Variants in BRF1 observed in about 807,000 individuals in gnomAD.
The protein encoded by BRF1 is transcription factor IIIB 90 kDa subunit.
A neutral mutation model predicts 81.7 loss-of-function variants in BRF1; 59 were observed. The observed-to-expected ratio is 0.72, with a 90% CI of 0.59 to 0.90. The LOEUF is 0.90. Ranked by LOEUF, BRF1 falls within the 40% of genes least tolerant of loss-of-function variation. BRF1 has a pLI of 0.00. For missense variants in BRF1, 1,050 were observed against 936.3 expected, an observed-to-expected ratio of 1.12 and a Z score of -1.58; for synonymous variants, 491 against 395.6, an observed-to-expected ratio of 1.24 and a Z score of -2.86.
At chr14:105,222,021 C>G in intron 10 of BRF1, 107 bp from the exon 11 acceptor site, 2 of 1,390,678 alleles carry the variant, frequency 1.4e-6, no homozygotes, top group East Asian at 5.2e-5. Context: ...GAACGGCTGT[C>G]AGTGCACGGT....
At chr14:105,242,707 C>G (rs1378772336) in intron 5 of BRF1, 2 of 138,510 alleles carry the variant, frequency 1.4e-5, no homozygotes, top group East Asian at 4.1e-4. Flanking sequence ...TGCACTCCAG[C>G]CTGGGCAACA....
intron 1 of BRF1, among the ~76,000 whole-genome samples, chr14:105,306,402 C>T (rs187384797): frequency 3.2e-4 from 49 of 152,320 alleles, no homozygotes; most frequent in Admixed American, 4.6e-4. Flanking sequence ...CTCCCAGGTT[C>T]AAGCGATTCT....
upstream of BRF1, among the ~76,000 whole-genome samples, chr14:105,304,731 G>A (rs2058132138): frequency 6.6e-6 from 1 of 152,238 alleles, no homozygotes; most frequent in South Asian, 2.1e-4. Flanking sequence ...GGCTGCAGAG[G>A]CCTCACAATC....
At chr14:105,229,711 C>T (rs55903750) in intron 6 of BRF1, among the ~76,000 whole-genome samples, 14 of 115,934 alleles carry the variant, frequency 1.2e-4, no homozygotes, top group African/African-American at 3.7e-4. Flanking sequence ...AGAGAGAGGC[C>T]ACACCACTGT....
chr14:105,300,436 C>T lies in BRF1; in HGVS notation c.184+10G>A. ...GAGAAATCCGCGCAGCGCCAGCCCGCGGGACTCACCGTCCAGGGACACGAA... is the reference window on the plus strand; with the variant it reads ...GAGAAATCCGCGCAGCGCCAGCCCGTGGGACTCACCGTCCAGGGACACGAA... On this transcript the variant is annotated intron_variant, in intron 1 of 17. Coordinates refer to ENST00000547530, the MANE Select transcript of BRF1 (RefSeq NM_001519.4). The T allele has an allele frequency of 6.6e-7, 1 of 1,517,384 alleles. No homozygotes were observed. Among genetic ancestry groups the T allele is most frequent in the Admixed American group, 2.1e-5 (1 of 48,260 alleles). 94.0% of individuals were successfully genotyped at this position (1,517,384 alleles called of 1,614,324 possible). A position where few individuals can be genotyped will look rare whatever the true frequency, so the allele number is the denominator to read the frequency against.
chr14:105,229,357 G>A (rs1354290871), intron 6 of BRF1, among the ~76,000 whole-genome samples: 2 of 152,204 alleles, frequency 1.3e-5, no homozygotes, highest in Non-Finnish European at 2.9e-5. Flanking sequence ...CAAACATGGA[G>A]ATCATGTGTG....
At chr14:105,215,078 C>G (rs895950603) in intron 15 of BRF1, among the ~76,000 whole-genome samples, 1 of 152,142 alleles carries the variant, frequency 6.6e-6, no homozygotes, top group African/African-American at 2.4e-5. Context: ...CTAAATATTC[C>G]CGAATCAGAT....
At chr14:105,228,686 G>T in intron 7 of BRF1, 134 bp downstream of exon 7, 2 of 958,460 alleles carry the variant, frequency 2.1e-6, no homozygotes, top group Non-Finnish European at 3.2e-6. Flanking sequence ...GACCGGGGCT[G>T]GGCTAGGTCC....
intron 2 of BRF1, among the ~76,000 whole-genome samples, chr14:105,274,741 G>C (rs999918203): frequency 7.9e-5 from 12 of 152,216 alleles, no homozygotes; most frequent in Non-Finnish European, 1.5e-4. Flanking sequence ...GGCTGTGTGG[G>C]GAGCACCTGG....
At position 105,281,352 on chromosome 14, in the gene BRF1, G is replaced by A. The variant is rs866695282; in HGVS notation, c.265+4944C>T. On this transcript the variant is annotated intron_variant, in intron 2 of 17. Transcript: ENST00000547530. ...TGCGTGATCCTGAGCCCAGGTGTGC[G>A]GATACAGCCTGTGTGACCCTGAGCC... 5.5e-5 allele frequency among the ~76,000 whole-genome samples: 8 copies of A among 145,850 alleles called. No homozygotes were observed. In the Middle Eastern group the frequency reaches 0.015, roughly 276 times the overall value.
chr14:105,280,627 C>CTA (rs2057034508), intron 2 of BRF1, among the ~76,000 whole-genome samples: 1 of 151,940 alleles, frequency 6.6e-6, no homozygotes. Context: ...CAGGTGGAGG[C>CTA]TGTGTGATCC....
chr14:105,280,510 G>C (rs1305178202), intron 2 of BRF1, among the ~76,000 whole-genome samples: 1 of 152,276 alleles, frequency 6.6e-6, no homozygotes, highest in Non-Finnish European at 1.5e-5. Flanking sequence ...GAGCCTGGGT[G>C]TGTGGTGGAA....
intron 1 of BRF1, among the ~76,000 whole-genome samples, chr14:105,291,648 A>G (rs1322507657): frequency 6.6e-6 from 1 of 151,772 alleles, no homozygotes; most frequent in Non-Finnish European, 1.5e-5. Context: ...TGTCAAAAAA[A>G]AATTTTTTTT....
intron 6 of BRF1, among the ~76,000 whole-genome samples, chr14:105,240,572 A>C (rs2054504587): frequency 2.5e-4 from 1 of 3,994 alleles, no homozygotes; most frequent in Non-Finnish European, 4.8e-4. Flanking sequence ...ACAGCCTGGC[A>C]GCCCTGTGGC....
At chr14:105,226,940 C>A in intron 7 of BRF1, 180 bp from the exon 8 acceptor site, 18 of 681,908 alleles carry the variant, frequency 2.6e-5, no homozygotes, top group Non-Finnish European at 3.2e-5. Flanking sequence ...GAGACTCTGT[C>A]TCTACCCAAA....
intron 15 of BRF1, among the ~76,000 whole-genome samples, chr14:105,214,784 G>A (rs1890803266): frequency 6.6e-6 from 1 of 152,198 alleles, no homozygotes; most frequent in Non-Finnish European, 1.5e-5. Context: ...CTGAGGCAGT[G>A]CCTCCTCAGC....
chr14:105,212,544 T>G, intron 15 of BRF1: 2 of 222,808 alleles, frequency 9.0e-6, no homozygotes, highest in African/African-American at 2.3e-5. Flanking sequence ...TCCCCAACCC[T>G]CACCAGGCCC....
chr14:105,240,856 T>G (rs987583060), intron 6 of BRF1, among the ~76,000 whole-genome samples: 1 of 130,180 alleles, frequency 7.7e-6, no homozygotes, highest in Non-Finnish European at 1.6e-5. Flanking sequence ...GTCGCCCAGC[T>G]GGGGGCGGGG....
At chr14:105,263,609 G>A (rs1003847964) in intron 3 of BRF1, among the ~76,000 whole-genome samples, 13 of 152,144 alleles carry the variant, frequency 8.5e-5, no homozygotes, top group African/African-American at 2.4e-4. Context: ...AGCTACCTGC[G>A]TGCTCTCTGC....
Sources: gnomAD v4.1 joint callset for allele counts (sites outside exome capture counted in the v4.1 genomes callset) on GRCh38, gnomAD v4.1.1 for gene constraint, MANE v1.5 for transcripts, NCBI Gene and HGNC (gene_info 2026-07-23, HGNC 2026-07-21) for gene names.